Variants in STAC observed in about 807,000 individuals in gnomAD.
STAC encodes SH3 and cysteine-rich domain-containing protein.
In STAC, 43 loss-of-function variants were observed where a neutral mutation model predicts 48.8. That is an observed-to-expected ratio of 0.88 (90% confidence interval 0.69 to 1.14). The LOEUF (loss-of-function observed/expected upper bound fraction) is 1.14, where lower values mean the gene tolerates loss of function less well. Among genes scored for constraint, STAC ranks in the 50% most tolerant of loss-of-function variants. The pLI is 0.00. For synonymous variants in STAC, 193 were observed against 179.5 expected (o/e 1.07, Z -0.60); for missense variants, 497 against 504.0 (o/e 0.99, Z 0.13).
At chr3:36,448,498 G>C (rs1268535332) in intron 2 of STAC, among the ~76,000 whole-genome samples, 1 of 152,142 alleles carries the variant, frequency 6.6e-6, no homozygotes, top group Admixed American at 6.5e-5. Flanking sequence ...TTGAATTACA[G>C]GCATGAGCCA....
At chr3:36,530,684 C>T (rs1050694193) in intron 10 of STAC, among the ~76,000 whole-genome samples, 17 of 146,970 alleles carry the variant, frequency 1.2e-4, no homozygotes, top group African/African-American at 4.0e-4. Context: ...CAACCTCCAC[C>T]TCCCAGGTTC....
At chr3:36,461,146 T>TAG (rs1309514672) in intron 2 of STAC, among the ~76,000 whole-genome samples, 1 of 152,214 alleles carries the variant, frequency 6.6e-6, no homozygotes, top group Non-Finnish European at 1.5e-5. Flanking sequence ...ATTTTGCATG[T>TAG]ACTTTTCAAT....
In STAC at chr3:36,547,240, T is replaced by G. The variant is rs896154234; in HGVS notation, c.*951T>G. The G allele has an allele frequency of 6.6e-6, 1 of 152,354 alleles. No individual in the cohort carries two copies. The highest frequency in any genetic ancestry group is 2.4e-5 in the African/African-American group (1 of 41,458). The allele number at this position is 152,354 out of a possible 1,614,324, so 9.4% of individuals were successfully genotyped here. ...GTCCTATAGGACTCCACTTTGAAGG[T>G]TGTGCCTACGTTGCAGGGAACTAGG... On this transcript the variant is annotated 3_prime_UTR_variant, in exon 11 of 11. Transcript: ENST00000273183.
intron 2 of STAC, among the ~76,000 whole-genome samples, chr3:36,474,789 A>G (rs1379384775): frequency 6.6e-6 from 1 of 152,186 alleles, no homozygotes; most frequent in Non-Finnish European, 1.5e-5. Flanking sequence ...CCCTGTTATA[A>G]TAATATTTTA....
At chr3:36,516,231 C>G (rs1349264026) in intron 8 of STAC, among the ~76,000 whole-genome samples, 1 of 152,040 alleles carries the variant, frequency 6.6e-6, no homozygotes, top group Non-Finnish European at 1.5e-5. Flanking sequence ...ATCCTCCCGT[C>G]TCAGCCTCCT....
chr3:36,453,056 G>T (rs1696731372), intron 2 of STAC, among the ~76,000 whole-genome samples: 1 of 152,260 alleles, frequency 6.6e-6, no homozygotes, highest in Non-Finnish European at 1.5e-5. Context: ...GTACCAGTTT[G>T]TGGAAGTTGG....
intron 5 of STAC, among the ~76,000 whole-genome samples, chr3:36,492,112 T>C (rs1342082156): frequency 7.8e-6 from 1 of 128,722 alleles, no homozygotes; most frequent in Non-Finnish European, 1.6e-5. Flanking sequence ...GTGAAGAGGA[T>C]AGAGCCAGTT....
chr3:36,380,769 T>G lies in STAC; in HGVS notation c.111+15T>G. Reference sequence around the variant, plus strand: ...AGGAATCCAAGGTACCGAGCACGCTTGCCCCCAAGAGAACACAAACTCACT... The same window carrying G: ...AGGAATCCAAGGTACCGAGCACGCTGGCCCCCAAGAGAACACAAACTCACT... On this transcript the variant is annotated intron_variant, in intron 1 of 10. Transcript: ENST00000273183. The G allele has an allele frequency of 6.3e-7, 1 of 1,595,314 alleles. No individual in the cohort carries two copies. Among genetic ancestry groups the G allele is most frequent in the South Asian group, 1.1e-5 (1 of 89,424 alleles).
chr3:36,516,687 T>C (rs1216475435), intron 8 of STAC, among the ~76,000 whole-genome samples: 3 of 152,172 alleles, frequency 2.0e-5, no homozygotes, highest in Non-Finnish European at 4.4e-5. Context: ...CAGATAGGCC[T>C]GGGTCTAGTT....
chr3:36,394,365 G>A (rs1414664745), intron 1 of STAC, among the ~76,000 whole-genome samples: 2 of 152,146 alleles, frequency 1.3e-5, no homozygotes, highest in Non-Finnish European at 2.9e-5. Flanking sequence ...TTTGTCCTAT[G>A]GACTTCATTG....
chr3:36,463,313 A>G (rs2125685484), intron 2 of STAC, among the ~76,000 whole-genome samples: 1 of 152,176 alleles, frequency 6.6e-6, no homozygotes, highest in Middle Eastern at 3.4e-3. Flanking sequence ...TTTTAATTTC[A>G]TCCTCAGTCA....
At chr3:36,498,899 CAA>C (rs1698217567) in intron 6 of STAC, among the ~76,000 whole-genome samples, 1 of 151,948 alleles carries the variant, frequency 6.6e-6, no homozygotes, top group Non-Finnish European at 1.5e-5. Context: ...TGCAGAATTT[CAA>C]AGATAAAAGA....
At chr3:36,450,477 T>C (rs1318635481) in intron 2 of STAC, among the ~76,000 whole-genome samples, 1 of 152,158 alleles carries the variant, frequency 6.6e-6, no homozygotes, top group Admixed American at 6.5e-5. Context: ...AGACACTTGG[T>C]GCACAAAGGT....
intron 6 of STAC, among the ~76,000 whole-genome samples, chr3:36,494,211 G>A (rs1490191484): frequency 6.7e-6 from 1 of 149,674 alleles, no homozygotes; most frequent in Non-Finnish European, 1.5e-5. Context: ...TTAAAGACAT[G>A]TGACCAGATC....
At chr3:36,457,545 AT>A (rs2125680886) in intron 2 of STAC, among the ~76,000 whole-genome samples, 1 of 152,354 alleles carries the variant, frequency 6.6e-6, no homozygotes, top group East Asian at 1.9e-4. Flanking sequence ...TGGCCAGTCC[AT>A]TCTTTGGAGA....
At chr3:36,414,777 G>GT (rs769599190) in intron 1 of STAC, among the ~76,000 whole-genome samples, 1 of 152,098 alleles carries the variant, frequency 6.6e-6, no homozygotes, top group Non-Finnish European at 1.5e-5. Context: ...TTTCTGTTCT[G>GT]TTTTTTCCCC....
At chr3:36,382,936 G>A (rs933615754) in intron 1 of STAC, among the ~76,000 whole-genome samples, 1 of 152,060 alleles carries the variant, frequency 6.6e-6, no homozygotes, top group Non-Finnish European at 1.5e-5. Context: ...ATATCTTGTG[G>A]GACAAACATG....
intron 8 of STAC, among the ~76,000 whole-genome samples, chr3:36,508,911 T>G (rs1698469833): frequency 6.6e-6 from 1 of 152,216 alleles, no homozygotes; most frequent in African/African-American, 2.4e-5. Flanking sequence ...ACTTAGCCCA[T>G]TTTCATTTAA....
rs148615549 is a variant in STAC at position 36,503,547 on chromosome 3, T to C, written c.767-846T>C. Among the ~76,000 whole-genome samples the C allele has an allele frequency of 5.8e-3, 882 of 152,200 alleles. 3 individuals are homozygous for C. Among genetic ancestry groups the C allele is most frequent in the African/African-American group, 0.015 (610 of 41,548 alleles). ...GCACCAGGCTTAAGCGATTCTCTTG[T>C]CTCAGCCTCCCAAGTAGCTGGGATT... On this transcript the variant is annotated intron_variant, in intron 6 of 10. Coordinates refer to ENST00000273183, the MANE Select transcript of STAC (RefSeq NM_003149.3).
Sources: gnomAD v4.1 joint callset for allele counts (sites outside exome capture counted in the v4.1 genomes callset) on GRCh38, gnomAD v4.1.1 for gene constraint, MANE v1.5 for transcripts, NCBI Gene and HGNC (gene_info 2026-07-23, HGNC 2026-07-21) for gene names.